ZFHX4: variants seen among roughly 807,000 people sequenced by gnomAD.
ZFHX4 encodes zinc finger homeobox protein 4.
Under a neutral mutation model 267.6 loss-of-function variants are expected in ZFHX4, and 56 were observed. The ratio of observed to expected loss-of-function variants is 0.21; its 90% confidence interval spans 0.17 to 0.26. The LOEUF is 0.26. ZFHX4 is among the 10% of genes least tolerant of loss of function. The probability of loss-of-function intolerance (pLI) is 1.00; values close to 1 mark genes in which losing one functional copy is unlikely to be tolerated. For missense variants in ZFHX4, 4,332 were observed against 4,420.0 expected, an observed-to-expected ratio of 0.98 and a Z score of 0.56; for synonymous variants, 1,778 against 1,665.6, an observed-to-expected ratio of 1.07 and a Z score of -1.64.
intron 4 of ZFHX4, among the ~76,000 whole-genome samples, chr8:76,812,699 C>T (rs12115175): frequency 0.016 from 2,462 of 151,986 alleles, 54 homozygotes; most frequent in African/African-American, 0.049. Flanking sequence ...CATCTTTTAA[C>T]GTCAATGAGT....
At position 76,863,120 on chromosome 8, in the gene ZFHX4, C is replaced by A; in HGVS notation, c.9406C>A (p.Leu3136Ile). 1.3e-6 allele frequency: 2 copies of A among 1,531,058 alleles called. No homozygotes were observed. Among genetic ancestry groups the A allele is most frequent in the Admixed American group, 2.1e-5 (1 of 48,378 alleles). 94.8% of individuals were successfully genotyped at this position (1,531,058 alleles called of 1,614,324 possible). ...NTLTPPGAGMLGFPTSATSSP... is the reference protein window; with the variant it reads ...NTLTPPGAGMIGFPTSATSSP... ...TTTAACACCTCCCGGTGCAGGCATG[C>A]TTGGGTTTCCTACTTCAGCTACTTC... Residue 3136 changes from leucine to isoleucine, a missense_variant, in exon 11 of 11, where the codon CTT (leucine) becomes ATT (isoleucine). By Grantham distance (5) the Leu-to-Ile change is conservative. Coordinates refer to ENST00000651372, the MANE Select transcript of ZFHX4 (RefSeq NM_024721.5).
At chr8:76,753,629 CTTTTTTTTTT>C (rs962115381) in intron 3 of ZFHX4, among the ~76,000 whole-genome samples, 2 of 117,414 alleles carry the variant, frequency 1.7e-5, no homozygotes, top group African/African-American at 6.5e-5. Context: ...CGTCTTAGGC[CTTTTTTTTTT>C]TTTTTTTTTT....
At chr8:76,801,170 A>G (rs1811108596) in intron 4 of ZFHX4, among the ~76,000 whole-genome samples, 1 of 152,158 alleles carries the variant, frequency 6.6e-6, no homozygotes, top group Admixed American at 6.6e-5. Context: ...TTTAATTAAA[A>G]AAAAAAAATT....
chr8:76,785,794 A>G (rs975911133), intron 4 of ZFHX4, among the ~76,000 whole-genome samples: 1 of 152,070 alleles, frequency 6.6e-6, no homozygotes, highest in Non-Finnish European at 1.5e-5. Flanking sequence ...AAGGTGGCAC[A>G]TTTTTCTCAA....
At chr8:76,799,829 C>T (rs371548053) in intron 4 of ZFHX4, among the ~76,000 whole-genome samples, 2 of 152,212 alleles carry the variant, frequency 1.3e-5, no homozygotes, top group South Asian at 2.1e-4. Flanking sequence ...ATCGTCTTGC[C>T]TTATTCTATG....
At chr8:76,713,460 G>A (rs1465334522) in intron 3 of ZFHX4, among the ~76,000 whole-genome samples, 1 of 152,094 alleles carries the variant, frequency 6.6e-6, no homozygotes, top group African/African-American at 2.4e-5. Context: ...TTTAAAGAAA[G>A]CAAAGTGTGT....
intron 4 of ZFHX4, among the ~76,000 whole-genome samples, chr8:76,815,703 A>AT (rs1428397155): frequency 1.3e-5 from 2 of 151,804 alleles, no homozygotes; most frequent in East Asian, 1.9e-4. Flanking sequence ...GTCTTACTAT[A>AT]TTGCCTAGGC....
intron 3 of ZFHX4, among the ~76,000 whole-genome samples, chr8:76,744,909 T>C (rs1809418928): frequency 6.6e-6 from 1 of 152,112 alleles, no homozygotes; most frequent in Non-Finnish European, 1.5e-5. Flanking sequence ...GGCTCCAATC[T>C]GGGAGTTTCT....
At chr8:76,684,084 A>G (rs1325582539) in intron 1 of ZFHX4, 1 of 151,970 alleles carries the variant, frequency 6.6e-6, no homozygotes, top group African/African-American at 2.4e-5. Context: ...ACTGAAGACT[A>G]AAAACAATTG....
At chr8:76,836,798 G>C (rs1364619936) in intron 5 of ZFHX4, among the ~76,000 whole-genome samples, 1 of 152,044 alleles carries the variant, frequency 6.6e-6, no homozygotes, top group African/African-American at 2.4e-5. Flanking sequence ...GTCTTATCTA[G>C]TTATAAGACC....
At chr8:76,739,247 C>T (rs1055947554) in intron 3 of ZFHX4, among the ~76,000 whole-genome samples, 4 of 152,014 alleles carry the variant, frequency 2.6e-5, no homozygotes, top group African/African-American at 9.7e-5. Flanking sequence ...TTTTAAAAGT[C>T]CATGTTCAAT....
chr8:76,683,484 G>A (rs1438804460), intron 1 of ZFHX4, among the ~76,000 whole-genome samples: 1 of 151,326 alleles, frequency 6.6e-6, no homozygotes, highest in Non-Finnish European at 1.5e-5. Context: ...TCAGACAGAG[G>A]CAGGTTCACC....
rs2131944299 is a variant in ZFHX4 at position 76,852,054 on chromosome 8, T to C, written c.5133T>C (p.Pro1711=). ...AACAGCAAGCCGCATTCTTTCAGCC[T>C]CAGTTTCTAAACCCAGCCTTTTTGC... The part of the protein sequence containing the change: ...ELQQQAAFFQ[P]QFLNPAFLPH... Residue 1711 remains proline, a synonymous_variant, in exon 10 of 11, where the codon CCT becomes CCC. Transcript: ENST00000651372. The C allele has an allele frequency of 6.2e-7, 1 of 1,613,990 alleles. No individual in the cohort carries two copies. Among genetic ancestry groups the C allele is most frequent in the South Asian group, 1.1e-5 (1 of 91,076 alleles).
chr8:76,831,272 C>A (rs1328005172), intron 4 of ZFHX4, among the ~76,000 whole-genome samples: 1 of 152,112 alleles, frequency 6.6e-6, no homozygotes, highest in African/African-American at 2.4e-5. Context: ...TACTGACATT[C>A]ATTTTGAACA....
chr8:76,784,676 A>G (rs564697105), intron 4 of ZFHX4, among the ~76,000 whole-genome samples: 11 of 152,100 alleles, frequency 7.2e-5, no homozygotes, highest in Non-Finnish European at 1.6e-4. Context: ...ATATTTAAAC[A>G]TCCAAGCAGC....
At chr8:76,755,480 G>A (rs1038184216) in intron 3 of ZFHX4, among the ~76,000 whole-genome samples, 3 of 151,900 alleles carry the variant, frequency 2.0e-5, no homozygotes, top group East Asian at 3.9e-4. Flanking sequence ...GTCTTCTATG[G>A]CATCAACCAG....
At chr8:76,715,877 G>A (rs1043042707) in intron 3 of ZFHX4, among the ~76,000 whole-genome samples, 1 of 152,148 alleles carries the variant, frequency 6.6e-6, no homozygotes, top group Non-Finnish European at 1.5e-5. Flanking sequence ...TTCATTGTAA[G>A]TACTAGCATA....
chr8:76,749,292 A>G (rs961197785), intron 3 of ZFHX4, among the ~76,000 whole-genome samples: 4 of 152,202 alleles, frequency 2.6e-5, no homozygotes, highest in African/African-American at 7.2e-5. Context: ...CAGCTGTCTG[A>G]CAATAAATTG....
chr8:76,831,002 G>C (rs998327572), intron 4 of ZFHX4, among the ~76,000 whole-genome samples: 1 of 152,042 alleles, frequency 6.6e-6, no homozygotes, highest in Non-Finnish European at 1.5e-5. Context: ...ACAGACAAGG[G>C]TTTCATTCCA....
Sources: gnomAD v4.1 joint callset for allele counts (sites outside exome capture counted in the v4.1 genomes callset) on GRCh38, gnomAD v4.1.1 for gene constraint, MANE v1.5 for transcripts, NCBI Gene and HGNC (gene_info 2026-07-23, HGNC 2026-07-21) for gene names.